Variants in CNTNAP2 observed in about 807,000 individuals in gnomAD.
The protein encoded by CNTNAP2 is contactin-associated protein-like 2.
A neutral mutation model predicts 155.2 loss-of-function variants in CNTNAP2; 98 were observed. That is an observed-to-expected ratio of 0.63 (90% CI 0.54 to 0.75). CNTNAP2 has a LOEUF of 0.75. Ranked by LOEUF, CNTNAP2 falls within the 30% of genes least tolerant of loss-of-function variation. CNTNAP2 has a pLI of 0.00. For missense variants in CNTNAP2, 1,727 were observed against 1,688.1 expected (o/e 1.02, Z -0.40); for synonymous variants, 651 against 631.2 (o/e 1.03, Z -0.47).
chr7:148,347,583 C>T (rs1479966083), intron 21 of CNTNAP2, among the ~76,000 whole-genome samples: 1 of 152,120 alleles, frequency 6.6e-6, no homozygotes, highest in Admixed American at 6.6e-5. Flanking sequence ...TAAATTAGGC[C>T]TTTCAGAGCC....
intron 4 of CNTNAP2, among the ~76,000 whole-genome samples, chr7:147,106,152 A>G (rs1468927231): frequency 6.6e-6 from 1 of 152,102 alleles, no homozygotes; most frequent in Non-Finnish European, 1.5e-5. Flanking sequence ...TTTTATGTCA[A>G]TTAAAATATG....
chr7:146,396,246 A>G (rs769541273), intron 1 of CNTNAP2, among the ~76,000 whole-genome samples: 17 of 152,162 alleles, frequency 1.1e-4, no homozygotes, highest in Non-Finnish European at 2.5e-4. Context: ...CCTTTCAGAA[A>G]TAAATGTATA....
At chr7:148,316,203 G>C (rs912761511) in intron 21 of CNTNAP2, among the ~76,000 whole-genome samples, 2 of 152,138 alleles carry the variant, frequency 1.3e-5, no homozygotes, top group Non-Finnish European at 2.9e-5. Flanking sequence ...TGGCTTCATG[G>C]GGGGAGGAAT....
At chr7:146,728,270 A>G (rs904488707) in intron 1 of CNTNAP2, among the ~76,000 whole-genome samples, 1 of 152,160 alleles carries the variant, frequency 6.6e-6, no homozygotes, top group African/African-American at 2.4e-5. Flanking sequence ...TAAGAGTGGT[A>G]TGGTCTGACC....
intron 10 of CNTNAP2, among the ~76,000 whole-genome samples, chr7:147,415,736 A>G (rs989976561): frequency 5.3e-5 from 8 of 152,218 alleles, no homozygotes; most frequent in Non-Finnish European, 1.2e-4. Context: ...TAGGAAAAAA[A>G]ATGTGAAAAT....
At chr7:147,868,104 T>C (rs546737898) in intron 13 of CNTNAP2, among the ~76,000 whole-genome samples, 7 of 152,288 alleles carry the variant, frequency 4.6e-5, no homozygotes, top group Non-Finnish European at 8.8e-5. Flanking sequence ...CTTTGGTCTA[T>C]GTGATGGTGA....
rs115494965 is a variant in CNTNAP2, at chr7:146,886,665, T to G, written c.402+46761T>G. On this transcript the variant is annotated intron_variant, in intron 3 of 23. Coordinates refer to ENST00000361727, the MANE Select transcript of CNTNAP2 (RefSeq NM_014141.6). ...AATTTTGTAACATTAGTATTCTGTA[T>G]GCTTAGTGTGCCAAGTAGGAATCTG... Among the ~76,000 whole-genome samples, 692 of 151,898 alleles carry G rather than the reference T, an allele frequency of 4.6e-3. 2 individuals carry two copies. The highest frequency in any genetic ancestry group is 0.016 in the African/African-American group (669 of 41,384).
intron 15 of CNTNAP2, among the ~76,000 whole-genome samples, chr7:148,013,617 A>G (rs1177570831): frequency 1.3e-5 from 2 of 152,212 alleles, no homozygotes; most frequent in Middle Eastern, 3.2e-3. Flanking sequence ...TTACTGAATC[A>G]TATGCCAACC....
chr7:146,224,596 A>G (rs1027633369), intron 1 of CNTNAP2, among the ~76,000 whole-genome samples: 4 of 151,806 alleles, frequency 2.6e-5, no homozygotes, highest in Non-Finnish European at 5.9e-5. Context: ...AAATACAAAA[A>G]AAAAAAAAGT....
At chr7:146,519,060 C>T (rs138808042) in intron 1 of CNTNAP2, among the ~76,000 whole-genome samples, 2 of 151,990 alleles carry the variant, frequency 1.3e-5, no homozygotes, top group African/African-American at 4.8e-5. Flanking sequence ...TTTGGATTCA[C>T]ATGTCTGCAT....
intron 13 of CNTNAP2, among the ~76,000 whole-genome samples, chr7:147,873,380 G>A (rs1799361853): frequency 2.0e-5 from 3 of 152,158 alleles, no homozygotes; most frequent in Admixed American, 1.3e-4. Flanking sequence ...GATCTACATG[G>A]CTGGGGAGGC....
intron 16 of CNTNAP2, among the ~76,000 whole-genome samples, chr7:148,132,877 T>A (rs1198464347): frequency 1.3e-5 from 2 of 152,252 alleles, no homozygotes; most frequent in Non-Finnish European, 2.9e-5. Context: ...GAAACTTCTA[T>A]GAATTAGAGA....
intron 14 of CNTNAP2, among the ~76,000 whole-genome samples, chr7:147,906,487 T>C (rs1382115307): frequency 1.3e-5 from 2 of 149,874 alleles, no homozygotes; most frequent in African/African-American, 2.5e-5. Flanking sequence ...CTTTATTTTT[T>C]TTATTTTTTA....
intron 10 of CNTNAP2, among the ~76,000 whole-genome samples, chr7:147,472,205 T>G (rs1411209536): frequency 1.4e-4 from 1 of 7,406 alleles, no homozygotes. Context: ...CTTTTTTTCC[T>G]TTTTTTTTTT....
intron 1 of CNTNAP2, among the ~76,000 whole-genome samples, chr7:146,535,113 T>TCATATATTA (rs1797829632): frequency 0.056 from 1 of 18 alleles, no homozygotes; most frequent in Non-Finnish European, 0.071. Flanking sequence ...TATATATATA[T>TCATATATTA]GATATATATC....
intron 1 of CNTNAP2, among the ~76,000 whole-genome samples, chr7:146,195,384 A>C (rs1798760931): frequency 6.6e-6 from 1 of 152,212 alleles, no homozygotes; most frequent in African/African-American, 2.4e-5. Context: ...ACCAGTATTG[A>C]ACTAACATGG....
At chr7:146,752,867 C>T (rs1184641764) in intron 1 of CNTNAP2, among the ~76,000 whole-genome samples, 1 of 151,970 alleles carries the variant, frequency 6.6e-6, no homozygotes, top group African/African-American at 2.4e-5. Flanking sequence ...ACCAAATTCC[C>T]AATTAGCCAA....
At chr7:148,374,535 C>T (rs1563063689) in intron 21 of CNTNAP2, among the ~76,000 whole-genome samples, 1 of 152,114 alleles carries the variant, frequency 6.6e-6, no homozygotes, top group Non-Finnish European at 1.5e-5. Context: ...TAAGGAAAAG[C>T]TTGAAAACTG....
At chr7:148,269,646 A>G (rs1361855480) in intron 21 of CNTNAP2, among the ~76,000 whole-genome samples, 1 of 152,232 alleles carries the variant, frequency 6.6e-6, no homozygotes, top group Non-Finnish European at 1.5e-5. Context: ...AAGACAGTCC[A>G]GACTCTTAAG....
Sources: gnomAD v4.1 joint callset for allele counts (sites outside exome capture counted in the v4.1 genomes callset) on GRCh38, gnomAD v4.1.1 for gene constraint, MANE v1.5 for transcripts, NCBI Gene and HGNC (gene_info 2026-07-23, HGNC 2026-07-21) for gene names.